ZNF891: variants seen among roughly 807,000 people sequenced by gnomAD.
The protein encoded by ZNF891 is zinc finger protein 891.
For missense variants in ZNF891, 589 were observed against 632.7 expected (o/e 0.93, Z 0.74); for synonymous variants, 199 against 209.0 (o/e 0.95, Z 0.41).
intron 1 of ZNF891, among the ~76,000 whole-genome samples, chr12:133,128,077 A>G (rs10747096): frequency 0.79 from 119,792 of 152,114 alleles, 48,072 homozygotes; most frequent in African/African-American, 0.9. Context: ...TTAAGGATGT[A>G]GAAAGAAGGC....
chr12:133,106,083 G>C lies in ZNF891; in HGVS notation c.*14201C>G, dbSNP rs1213128876. The C allele has an allele frequency of 1.9e-6, 3 of 1,614,070 alleles. No homozygotes were observed. Among genetic ancestry groups the C allele is most frequent in the Non-Finnish European group, 2.5e-6 (3 of 1,180,000 alleles). ...ACTCGACATCAAAGAATTCACATAG[G>C]AAAGAAACAATATATATGTAGGAAA... On this transcript the variant is annotated 3_prime_UTR_variant, in exon 2 of 2. Transcript: ENST00000537226.
intron 1 of ZNF891, 85 bp from the exon 2 acceptor site, chr12:133,122,109 A>G (rs1955769429): frequency 1.5e-6 from 2 of 1,363,612 alleles, no homozygotes; most frequent in Admixed American, 6.2e-5. Flanking sequence ...AAAATTGTAG[A>G]CCCTCCCCAT....
At chr12:133,126,045 G>T (rs973191625) in intron 1 of ZNF891, 16 of 172,362 alleles carry the variant, frequency 9.3e-5, no homozygotes, top group Admixed American at 2.4e-4. Flanking sequence ...CTATATTTGT[G>T]TATGTGTTTG....
Position 133,121,600 on chromosome 12 carries a change from TTC to T in ZNF891, c.317_318del (p.Arg106AsnfsTer14), listed in dbSNP as rs931562456. On this transcript the variant is annotated frameshift_variant, in exon 2 of 2. Coordinates refer to ENST00000537226, the MANE Select transcript of ZNF891 (RefSeq NM_001277291.2). LOFTEE classifies it low-confidence loss of function (END_TRUNC). ...DQEEIRNMKK[R>X]IPQAICPDQK... ...TGGTCTGGACAGATGGCTTGGGGAA[TTC>T]TCTTTTTCATATTCCTTATCTCTTC... 3.3e-6 allele frequency: 5 copies of T among 1,536,384 alleles called. No individual in the cohort carries two copies. Among genetic ancestry groups the T allele is most frequent in the African/African-American group, 2.7e-5 (2 of 73,064 alleles).
intron 1 of ZNF891, among the ~76,000 whole-genome samples, chr12:133,128,365 C>G (rs1178999971): frequency 6.6e-6 from 1 of 152,188 alleles, no homozygotes; most frequent in African/African-American, 2.4e-5. Context: ...GGCACGGTGG[C>G]TCACGCCTGT....
chr12:133,106,079 A>G lies in ZNF891; in HGVS notation c.*14205T>C. 1 of 1,614,146 alleles carries G rather than the reference A, an allele frequency of 6.2e-7. No homozygotes were observed. Among genetic ancestry groups the G allele is most frequent in the Non-Finnish European group, 8.5e-7 (1 of 1,180,012 alleles). On this transcript the variant is annotated 3_prime_UTR_variant, in exon 2 of 2. Transcript: ENST00000537226. The stretch of plus-strand genomic sequence containing the variant: ...CCTCACTCGACATCAAAGAATTCAC[A>G]TAGGAAAGAAACAATATATATGTAG...
chr12:133,111,860 TAAAA>T lies in ZNF891; in HGVS notation c.*8420_*8423del, dbSNP rs1168744921. Reference sequence around the variant, plus strand: ...AAATTAAAAAATAAAGAAAAATAAATAAAAAAGTGAATGCTAAGGAAATTAGTTT... The same window carrying T: ...AAATTAAAAAATAAAGAAAAATAAATAAGTGAATGCTAAGGAAATTAGTTT... On this transcript the variant is annotated 3_prime_UTR_variant, in exon 2 of 2. Coordinates refer to ENST00000537226, the MANE Select transcript of ZNF891 (RefSeq NM_001277291.2). 6.6e-6 allele frequency: 1 copy of T among 152,004 alleles called. No individual in the cohort carries two copies. The highest frequency in any genetic ancestry group is 2.4e-5 in the African/African-American group (1 of 41,404). 9.4% of individuals were successfully genotyped at this position (152,004 alleles called of 1,614,324 possible).
chr12:133,124,715 C>A (rs1043808014), intron 1 of ZNF891, among the ~76,000 whole-genome samples: 1 of 145,536 alleles, frequency 6.9e-6, no homozygotes, highest in Non-Finnish European at 1.5e-5. Flanking sequence ...AGAATTCAAT[C>A]GTATGCTAAA....
In ZNF891 at chr12:133,108,558, AACTGAAGAG is replaced by A. The variant is rs1221269134; in HGVS notation, c.*11717_*11725del. 6.6e-6 allele frequency: 1 copy of A among 151,774 alleles called. No individual in the cohort carries two copies. The highest frequency in any genetic ancestry group is 1.9e-4 in the East Asian group (1 of 5,184). The allele number at this position is 151,774 out of a possible 1,614,324, so 9.4% of individuals were successfully genotyped here. The stretch of plus-strand genomic sequence containing the variant: ...ATAGTCTATGGCTCCTTACCTCTAT[AACTGAAGAG>A]TTTAATATACAGCCATAAAGGTTAA... On this transcript the variant is annotated 3_prime_UTR_variant, in exon 2 of 2. Transcript: ENST00000537226.
rs145499725 is a variant in ZNF891, at chr12:133,105,488, C to CTT, written c.*14794_*14795dup. 5.5e-4 allele frequency: 838 copies of CTT among 1,511,356 alleles called. No homozygotes were observed. The highest frequency in any genetic ancestry group is 1.0e-3 in the South Asian group (78 of 77,448). The allele number at this position is 1,511,356 out of a possible 1,614,324, so 93.6% of individuals were successfully genotyped here. A position where few individuals can be genotyped will look rare whatever the true frequency, so the allele number is the denominator to read the frequency against. ...TCAATACAGGAAAAAGAAACATTCACTTTTTTTTTGGTATCTTTCAGTTTC... is the reference window on the plus strand; with the variant it reads ...TCAATACAGGAAAAAGAAACATTCACTTTTTTTTTTTGGTATCTTTCAGTTTC... On this transcript the variant is annotated 3_prime_UTR_variant, in exon 2 of 2. Transcript: ENST00000537226.
intron 1 of ZNF891, among the ~76,000 whole-genome samples, chr12:133,128,447 CA>C (rs1444003638): frequency 6.6e-6 from 1 of 152,142 alleles, no homozygotes; most frequent in Non-Finnish European, 1.5e-5. Flanking sequence ...GCCTGGGCAA[CA>C]CCGTGAAACC....
chr12:133,119,251 A>G lies in ZNF891; in HGVS notation c.*1033T>C, dbSNP rs576130629. On this transcript the variant is annotated 3_prime_UTR_variant, in exon 2 of 2. Coordinates refer to ENST00000537226, the MANE Select transcript of ZNF891 (RefSeq NM_001277291.2). ...AAAAAAAAAGAAAAAATCAATTAACATATTTTTCTTGGCCGGGCACAGTGG... is the reference window on the plus strand; with the variant it reads ...AAAAAAAAAGAAAAAATCAATTAACGTATTTTTCTTGGCCGGGCACAGTGG... The G allele has an allele frequency of 5.3e-5, 8 of 152,132 alleles. No individual in the cohort carries two copies. The highest frequency in any genetic ancestry group is 8.8e-5 in the Non-Finnish European group (6 of 68,014). 9.4% of individuals were successfully genotyped at this position (152,132 alleles called of 1,614,324 possible). A position where few individuals can be genotyped will look rare whatever the true frequency, so the allele number is the denominator to read the frequency against.
chr12:133,106,715 C>T lies in ZNF891; in HGVS notation c.*13569G>A. On this transcript the variant is annotated 3_prime_UTR_variant, in exon 2 of 2. Coordinates refer to ENST00000537226, the MANE Select transcript of ZNF891 (RefSeq NM_001277291.2). ...TTTTAAAAAGAAGTATAATGCCTTA[C>T]TTCAGAGAACTCTTGGAAAGAAGCC... 7.2e-7 allele frequency: 1 copy of T among 1,381,786 alleles called. No homozygotes were observed. Among genetic ancestry groups the T allele is most frequent in the East Asian group, 2.3e-5 (1 of 43,146 alleles). 85.6% of individuals were successfully genotyped at this position (1,381,786 alleles called of 1,614,324 possible).
rs142948233 is a variant in ZNF891, at chr12:133,130,242, G to C, written c.-122C>G. ...GCATGCTCACCCGTCCTCAGTGCCT[G>C]CCTCCAGGCGTCCGCGGTCCCGCCC... On this transcript the variant is annotated 5_prime_UTR_variant, in exon 1 of 2. Coordinates refer to ENST00000537226, the MANE Select transcript of ZNF891 (RefSeq NM_001277291.2). The C allele has an allele frequency of 1.3e-5, 2 of 152,470 alleles. No homozygotes were observed. The highest frequency in any genetic ancestry group is 1.3e-4 in the Admixed American group (2 of 15,296). The allele number at this position is 152,470 out of a possible 1,614,324, so 9.4% of individuals were successfully genotyped here. A position where few individuals can be genotyped will look rare whatever the true frequency, so the allele number is the denominator to read the frequency against.
chr12:133,128,372 C>T (rs1955837264), intron 1 of ZNF891, among the ~76,000 whole-genome samples: 4 of 152,200 alleles, frequency 2.6e-5, no homozygotes, highest in African/African-American at 9.6e-5. Context: ...TGGCTCACGC[C>T]TGTAATCCTA....
chr12:133,118,712 T>C lies in ZNF891; in HGVS notation c.*1572A>G, dbSNP rs1164448037. ...CCAATGCTGAAATGTTGGGATACTCTTTTTGCTGTTCTAAACACTTGCTTT... is the reference window on the plus strand; with the variant it reads ...CCAATGCTGAAATGTTGGGATACTCCTTTTGCTGTTCTAAACACTTGCTTT... On this transcript the variant is annotated 3_prime_UTR_variant, in exon 2 of 2. Transcript: ENST00000537226. The C allele has an allele frequency of 6.6e-6, 1 of 152,258 alleles. No individual in the cohort carries two copies. Among genetic ancestry groups the C allele is most frequent in the Non-Finnish European group, 1.5e-5 (1 of 68,046 alleles). 9.4% of individuals were successfully genotyped at this position (152,258 alleles called of 1,614,324 possible).
Position 133,108,422 on chromosome 12 carries a change from T to C in ZNF891, c.*11862A>G, listed in dbSNP as rs1167496324. The stretch of plus-strand genomic sequence containing the variant: ...TTAAGAGTATACTCAATTTCTCCCA[T>C]TATCTGCTCCACATCCACTTTCCTT... On this transcript the variant is annotated 3_prime_UTR_variant, in exon 2 of 2. Transcript: ENST00000537226. 1 of 152,062 alleles carries C rather than the reference T, an allele frequency of 6.6e-6. No individual in the cohort carries two copies. The highest frequency in any genetic ancestry group is 2.4e-5 in the African/African-American group (1 of 41,396). The allele number at this position is 152,062 out of a possible 1,614,324, so 9.4% of individuals were successfully genotyped here. A position where few individuals can be genotyped will look rare whatever the true frequency, so the allele number is the denominator to read the frequency against.
At position 133,120,325 on chromosome 12, in the gene ZNF891, T is replaced by C. The variant is rs753721098; in HGVS notation, c.1594A>G (p.Ile532Val). 26 of 1,558,316 alleles carry C rather than the reference T, an allele frequency of 1.7e-5. No homozygotes were observed. Among genetic ancestry groups the C allele is most frequent in the Non-Finnish European group, 2.3e-5 (26 of 1,154,952 alleles). ...TCAGTATGAATTCTCTTGTGTATAA[T>C]AAGTGAAGAGCTCTGACTGAAGGCT... ...GKAFSQSSSL[I>V]IHKRIHTERE... The change falls in exon 2 of 2, where the codon ATT becomes GTT. Residue 532 changes from isoleucine (I) to valine (V), a missense_variant. Coordinates refer to ENST00000537226, the MANE Select transcript of ZNF891 (RefSeq NM_001277291.2).
intron 1 of ZNF891, among the ~76,000 whole-genome samples, chr12:133,127,009 A>C (rs929809658): frequency 7.2e-6 from 1 of 139,576 alleles, no homozygotes; most frequent in African/African-American, 2.7e-5. Flanking sequence ...GAGTCGCCCA[A>C]GCTGGAGTGC....
Sources: gnomAD v4.1 joint callset for allele counts (sites outside exome capture counted in the v4.1 genomes callset) on GRCh38, gnomAD v4.1.1 for gene constraint, MANE v1.5 for transcripts, NCBI Gene and HGNC (gene_info 2026-07-23, HGNC 2026-07-21) for gene names.